CEP112: variants seen among roughly 807,000 people sequenced by gnomAD.
The protein encoded by CEP112 is centrosomal protein 112.
CEP112 carries 127 observed loss-of-function variants against 153.0 expected under a neutral mutation model. That is an observed-to-expected ratio of 0.83 (90% CI 0.72 to 0.96). The LOEUF (loss-of-function observed/expected upper bound fraction) is 0.96. Ranked by LOEUF, CEP112 falls within the 40% of genes least tolerant of loss-of-function variation. CEP112 has a pLI of 0.00. For synonymous variants in CEP112, 358 were observed against 374.4 expected (o/e 0.96, Z 0.51); for missense variants, 1,089 against 1,101.2 (o/e 0.99, Z 0.16).
chr17:65,676,410 G>T (rs898977146), intron 24 of CEP112, among the ~76,000 whole-genome samples: 4 of 151,024 alleles, frequency 2.6e-5, no homozygotes, highest in African/African-American at 9.7e-5. Flanking sequence ...CCACCCAGAA[G>T]ATGTTAAAGA....
intron 6 of CEP112, among the ~76,000 whole-genome samples, chr17:66,123,971 T>A (rs1319241605): frequency 2.6e-5 from 4 of 152,236 alleles, no homozygotes; most frequent in Non-Finnish European, 5.9e-5. Flanking sequence ...GACAGTCAAC[T>A]GCATTCAGAT....
chr17:65,785,730 T>C (rs997307825), intron 21 of CEP112, among the ~76,000 whole-genome samples: 2 of 152,240 alleles, frequency 1.3e-5, no homozygotes, highest in African/African-American at 4.8e-5. Flanking sequence ...ACTTGCATGT[T>C]TTCTTCTAAG....
intron 20 of CEP112, among the ~76,000 whole-genome samples, chr17:65,867,890 A>G (rs1274973000): frequency 6.6e-6 from 1 of 151,554 alleles, no homozygotes; most frequent in Non-Finnish European, 1.5e-5. Flanking sequence ...TTATGAAGTA[A>G]AGGGGGAATG....
At chr17:65,664,116 C>A (rs1473292596) in intron 24 of CEP112, among the ~76,000 whole-genome samples, 1 of 152,120 alleles carries the variant, frequency 6.6e-6, no homozygotes, top group Non-Finnish European at 1.5e-5. Flanking sequence ...GTATAACAGA[C>A]ATTTGGGGAA....
chr17:66,011,714 T>C lies in CEP112; in HGVS notation c.1657-5945A>G, dbSNP rs193073256. The stretch of plus-strand genomic sequence containing the variant: ...CTGTTGTTTTGGGTAGAGTGTTATG[T>C]AGATGTTATACATGCATTTGGTCAA... On this transcript the variant is annotated intron_variant, in intron 16 of 26. Transcript: ENST00000535342. 1.1e-4 allele frequency among the ~76,000 whole-genome samples: 16 copies of C among 152,278 alleles called. No homozygotes were observed. The East Asian group carries it at 3.1e-3, about 29-fold the overall frequency.
chr17:65,958,633 G>C lies in CEP112; in HGVS notation c.1872+2830C>G, dbSNP rs1414734389. On this transcript the variant is annotated intron_variant, in intron 18 of 26. Coordinates refer to ENST00000535342, the MANE Select transcript of CEP112 (RefSeq NM_001199165.4). ...GGACTTTGGCTGCCAATGAGCATAG[G>C]AGGGAAGCCAAGTGGGTGCTGATGG... is the stretch of plus-strand genomic sequence containing the variant. Among the ~76,000 whole-genome samples the C allele has an allele frequency of 5.9e-5, 5 of 84,450 alleles. No homozygotes were observed. In the South Asian group the frequency reaches 2.5e-3, roughly 43 times the overall value. The allele number at this position is 84,450 out of a possible 152,430, so 55.4% of individuals were successfully genotyped here.
chr17:66,163,994 C>T (rs230567), intron 4 of CEP112, among the ~76,000 whole-genome samples: 151,850 of 152,338 alleles, frequency 1, 75,683 homozygotes, highest in Middle Eastern at 1. Context: ...CTAAATGGCC[C>T]AAGGACCATT....
At chr17:65,862,310 C>T (rs1038653868) in intron 20 of CEP112, among the ~76,000 whole-genome samples, 7 of 152,106 alleles carry the variant, frequency 4.6e-5, no homozygotes, top group Non-Finnish European at 1.0e-4. Flanking sequence ...AATTCTTGGC[C>T]GGGCATAGTG....
intron 21 of CEP112, among the ~76,000 whole-genome samples, chr17:65,796,422 G>A (rs2054914422): frequency 6.6e-6 from 1 of 151,868 alleles, no homozygotes; most frequent in Non-Finnish European, 1.5e-5. Context: ...TGTATATGAG[G>A]GTATTTTTCT....
intron 23 of CEP112, among the ~76,000 whole-genome samples, chr17:65,715,162 A>T (rs1028597413): frequency 2.0e-5 from 3 of 152,158 alleles, no homozygotes; most frequent in Non-Finnish European, 4.4e-5. Context: ...CTCTCAGTCC[A>T]ATTTAAGTCA....
chr17:65,910,130 A>C (rs2060230251), intron 19 of CEP112, among the ~76,000 whole-genome samples: 1 of 152,212 alleles, frequency 6.6e-6, no homozygotes, highest in Non-Finnish European at 1.5e-5. Context: ...ACATTAATAA[A>C]TTGTTAAAAG....
At chr17:65,869,541 G>A (rs1379524085) in intron 20 of CEP112, among the ~76,000 whole-genome samples, 1 of 151,424 alleles carries the variant, frequency 6.6e-6, no homozygotes, top group Non-Finnish European at 1.5e-5. Flanking sequence ...TGAAGGAGAG[G>A]ACAGAACTTA....
At chr17:66,179,899 G>A (rs1022696309) in intron 2 of CEP112, among the ~76,000 whole-genome samples, 1 of 152,070 alleles carries the variant, frequency 6.6e-6, no homozygotes, top group African/African-American at 2.4e-5. Flanking sequence ...TTATCATAAA[G>A]GGATGTTGAA....
chr17:66,190,086 T>C (rs2073106878), intron 1 of CEP112, among the ~76,000 whole-genome samples: 1 of 151,490 alleles, frequency 6.6e-6, no homozygotes, highest in African/African-American at 2.4e-5. Flanking sequence ...TCCCAGCACT[T>C]TGGGAGGCCG....
chr17:66,190,522 C>CA (rs1444922651), intron 1 of CEP112, among the ~76,000 whole-genome samples: 1 of 151,846 alleles, frequency 6.6e-6, no homozygotes, highest in East Asian at 1.9e-4. Flanking sequence ...TAAATTATTT[C>CA]AAAGGTAACC....
chr17:66,081,191 A>G (rs1437741286), intron 8 of CEP112, among the ~76,000 whole-genome samples: 2 of 152,150 alleles, frequency 1.3e-5, no homozygotes, highest in African/African-American at 4.8e-5. Context: ...AATAAAAAAT[A>G]AAAATAAATA....
rs540347469 is a variant in CEP112, at chr17:65,809,585, G to A, written c.2394+42219C>T. On this transcript the variant is annotated intron_variant, in intron 21 of 26. Transcript: ENST00000535342. ...AATTTTTGGTAGGAAGAATGTAGGCGTGAAAGAAAGAAATGTGTCAAGTAT... is the reference window on the plus strand; with the variant it reads ...AATTTTTGGTAGGAAGAATGTAGGCATGAAAGAAAGAAATGTGTCAAGTAT... Among the ~76,000 whole-genome samples, 210 of 152,274 alleles carry A rather than the reference G, an allele frequency of 1.4e-3. 1 individual carries two copies. The highest frequency in any genetic ancestry group is 2.4e-3 in the Admixed American group (36 of 15,290).
intron 24 of CEP112, among the ~76,000 whole-genome samples, chr17:65,646,318 C>G (rs2045431337): frequency 6.6e-6 from 1 of 152,100 alleles, no homozygotes; most frequent in Non-Finnish European, 1.5e-5. Context: ...TTAAAATAAG[C>G]CTCTGGAAAA....
At chr17:65,890,252 A>G (rs11079592) in intron 20 of CEP112, among the ~76,000 whole-genome samples, 2,535 of 152,322 alleles carry the variant, frequency 0.017, 80 homozygotes, top group African/African-American at 0.057. Flanking sequence ...TGCAGATGGC[A>G]GCACAGACAG....
Sources: gnomAD v4.1 joint callset for allele counts (sites outside exome capture counted in the v4.1 genomes callset) on GRCh38, gnomAD v4.1.1 for gene constraint, MANE v1.5 for transcripts, NCBI Gene and HGNC (gene_info 2026-07-23, HGNC 2026-07-21) for gene names.